ARHGAP22: variants seen among roughly 807,000 people sequenced by gnomAD.
ARHGAP22 encodes rho GTPase-activating protein 22.
In ARHGAP22, 48 loss-of-function variants were observed where a neutral mutation model predicts 59.1. The ratio of observed to expected loss-of-function variants is 0.81; its 90% CI spans 0.64 to 1.03. ARHGAP22 has a LOEUF of 1.03. ARHGAP22 is among the 50% of genes least tolerant of loss of function. ARHGAP22 has a pLI of 0.00. For missense variants in ARHGAP22, 1,015 were observed against 958.7 expected, an observed-to-expected ratio of 1.06 and a Z score of -0.78; for synonymous variants, 445 against 416.4, an observed-to-expected ratio of 1.07 and a Z score of -0.84.
At chr10:48,552,790 T>C (rs1188099665) in intron 3 of ARHGAP22, among the ~76,000 whole-genome samples, 1 of 152,204 alleles carries the variant, frequency 6.6e-6, no homozygotes, top group Non-Finnish European at 1.5e-5. Flanking sequence ...CACGTTGCTG[T>C]GGTTTAAGGT....
At chr10:48,594,067 A>T (rs1358372905) in intron 1 of ARHGAP22, among the ~76,000 whole-genome samples, 1 of 152,194 alleles carries the variant, frequency 6.6e-6, no homozygotes, top group Admixed American at 6.5e-5. Context: ...CTAAAATAGC[A>T]ATTAAAGGAT....
intron 5 of ARHGAP22, 149 bp from the exon 6 acceptor site, chr10:48,455,283 G>C: frequency 1.0e-6 from 1 of 959,030 alleles, no homozygotes; most frequent in South Asian, 2.3e-5. Context: ...AGCTGCCCTG[G>C]TCAAGGAAAG....
At chr10:48,533,139 G>GA (rs2055017174) in intron 3 of ARHGAP22, among the ~76,000 whole-genome samples, 2 of 151,162 alleles carry the variant, frequency 1.3e-5, no homozygotes, top group Non-Finnish European at 2.9e-5. Context: ...CTCATCAACA[G>GA]CATTGCTGTT....
chr10:48,535,705 A>G (rs957226294), intron 3 of ARHGAP22, among the ~76,000 whole-genome samples: 2 of 152,242 alleles, frequency 1.3e-5, no homozygotes, highest in Non-Finnish European at 2.9e-5. Flanking sequence ...GTGCGTTGCC[A>G]CCACACTGCT....
chr10:48,652,277 C>T (rs1317240634), exon 1 of ARHGAP22: 9 of 1,535,552 alleles, frequency 5.9e-6, no homozygotes, highest in East Asian at 2.4e-5. Flanking sequence ...TGGAAGCTGT[C>T]GGCAGCATAA....
At chr10:48,582,671 A>G in intron 2 of ARHGAP22, 1 of 481,062 alleles carries the variant, frequency 2.1e-6, no homozygotes, top group South Asian at 2.5e-5. Flanking sequence ...GGGGCCAAAA[A>G]GAACATGGAA....
chr10:48,643,058 A>G (rs1293716776), intron 1 of ARHGAP22, among the ~76,000 whole-genome samples: 2 of 152,238 alleles, frequency 1.3e-5, no homozygotes, highest in Non-Finnish European at 2.9e-5. Context: ...CACACCAGTT[A>G]GAATGGCAAT....
At chr10:48,563,211 T>TTTTTTTA (rs55749457) in intron 2 of ARHGAP22, among the ~76,000 whole-genome samples, 4 of 87,456 alleles carry the variant, frequency 4.6e-5, no homozygotes, top group East Asian at 2.1e-4. Context: ...TTTTTTTTTT[T>TTTTTTTA]GAGACGTATT....
At chr10:48,584,079 C>T (rs571615716) in intron 1 of ARHGAP22, among the ~76,000 whole-genome samples, 1 of 152,318 alleles carries the variant, frequency 6.6e-6, no homozygotes, top group East Asian at 1.9e-4. Flanking sequence ...AAGGCCATTG[C>T]CACAGTGATC....
intron 1 of ARHGAP22, among the ~76,000 whole-genome samples, chr10:48,648,022 C>T (rs751497857): frequency 1.3e-5 from 2 of 152,102 alleles, no homozygotes; most frequent in Non-Finnish European, 2.9e-5. Context: ...CAATGGTTTC[C>T]TTAGGTTGGG....
chr10:48,631,547 C>T (rs1260706759), intron 1 of ARHGAP22, among the ~76,000 whole-genome samples: 1 of 152,124 alleles, frequency 6.6e-6, no homozygotes, highest in Non-Finnish European at 1.5e-5. Context: ...AAAATATTTT[C>T]TTGTTGCAGT....
chr10:48,466,536 T>C lies in ARHGAP22; in HGVS notation c.452-6645A>G, dbSNP rs1280006647. On this transcript the variant is annotated intron_variant, in intron 4 of 9. Transcript: ENST00000249601. The stretch of plus-strand genomic sequence containing the variant: ...CTATGGCCCGGAGACGCAGCTTCTC[T>C]GGCGGGCCCGGGGGCGCCCGCACCC... 4 of 149,314 alleles carry C rather than the reference T, an allele frequency of 2.7e-5. No homozygotes were observed. The East Asian group carries it at 7.8e-4, about 29-fold the overall frequency. 9.2% of individuals were successfully genotyped at this position (149,314 alleles called of 1,614,324 possible). A position where few individuals can be genotyped will look rare whatever the true frequency, so the allele number is the denominator to read the frequency against.
intron 1 of ARHGAP22, chr10:48,652,101 G>T: frequency 1.2e-6 from 1 of 819,492 alleles, no homozygotes. Context: ...AAGGAGGTCA[G>T]AACCCTGACC....
chr10:48,446,478 G>T lies in ARHGAP22; in HGVS notation c.2010C>A (p.Asn670Lys). The T allele has an allele frequency of 6.2e-7, 1 of 1,614,188 alleles. No individual in the cohort carries two copies. Among genetic ancestry groups the T allele is most frequent in the Non-Finnish European group, 8.5e-7 (1 of 1,180,034 alleles). Residue 670 changes from asparagine to lysine, a missense_variant, in exon 10 of 10, where the codon AAC (asparagine) becomes AAA (lysine). Physicochemically the swap from Asn to Lys is moderately conservative, Grantham distance 94. Transcript: ENST00000249601. Reference sequence around the variant, plus strand: ...CCTCCATTTCCCTCTGCAACAGCTGGTTCCTCCTCTCCGCATCCTCCCGCG... The same window carrying T: ...CCTCCATTTCCCTCTGCAACAGCTGTTTCCTCCTCTCCGCATCCTCCCGCG... The part of the protein sequence containing the change: ...ERAREDAERR[N>K]QLLQREMEEF...
intron 3 of ARHGAP22, among the ~76,000 whole-genome samples, chr10:48,480,368 T>A (rs570145357): frequency 6.6e-6 from 1 of 152,368 alleles, no homozygotes; most frequent in South Asian, 2.1e-4. Context: ...GCTTGTGAAC[T>A]GACTTTCCCC....
chr10:48,517,176 T>C (rs1429844181), intron 3 of ARHGAP22, among the ~76,000 whole-genome samples: 2 of 152,218 alleles, frequency 1.3e-5, no homozygotes, highest in Non-Finnish European at 1.5e-5. Flanking sequence ...GATAGTTGCA[T>C]AACTCTGTGA....
chr10:48,569,735 A>G (rs1814477), intron 2 of ARHGAP22, among the ~76,000 whole-genome samples: 60,330 of 152,130 alleles, frequency 0.4, 13,582 homozygotes, highest in East Asian at 0.89. Context: ...TAACACTGGA[A>G]GAAACACAAA....
intron 2 of ARHGAP22, among the ~76,000 whole-genome samples, chr10:48,560,163 T>C (rs992436405): frequency 6.6e-6 from 1 of 152,218 alleles, no homozygotes; most frequent in Non-Finnish European, 1.5e-5. Context: ...TATTTCAAAA[T>C]TGTCTGGCTA....
In ARHGAP22 at chr10:48,514,524, C is replaced by A. The variant is rs146010137; in HGVS notation, c.323-34760G>T. On this transcript the variant is annotated intron_variant, in intron 3 of 9. Coordinates refer to ENST00000249601, the MANE Select transcript of ARHGAP22 (RefSeq NM_021226.4). Reference sequence around the variant, plus strand: ...ATCATTCATAAATGGAGAAGACATTCTCAGAGAACTAAAAACCAAGAATAT... The same window carrying A: ...ATCATTCATAAATGGAGAAGACATTATCAGAGAACTAAAAACCAAGAATAT... Among the ~76,000 whole-genome samples, 7 of 152,280 alleles carry A rather than the reference C, an allele frequency of 4.6e-5. No homozygotes were observed. The East Asian group carries it at 1.2e-3, about 25-fold the overall frequency.
Sources: allele counts gnomAD v4.1 joint callset (sites outside exome capture counted in the v4.1 genomes callset), GRCh38; gene constraint gnomAD v4.1.1; transcripts MANE v1.5; gene names NCBI Gene and HGNC (gene_info 2026-07-23, HGNC 2026-07-21).